The following MIPOL1 variants were observed in gnomAD, a reference collection of about 807,000 sequenced individuals.
MIPOL1 encodes the protein mirror-image polydactyly 1, also known as mirror-image polydactyly gene 1 protein.
Under a neutral mutation model 60.9 loss-of-function variants are expected in MIPOL1, and 57 were observed. The ratio of observed to expected loss-of-function variants is 0.94; its 90% CI spans 0.76 to 1.17. MIPOL1 has a LOEUF of 1.17. Ranked by LOEUF, MIPOL1 falls within the 50% of genes most tolerant of loss-of-function variation. The pLI is 0.00. For missense variants in MIPOL1, 551 were observed against 511.6 expected, an observed-to-expected ratio of 1.08 and a Z score of -0.74; for synonymous variants, 179 against 168.8, an observed-to-expected ratio of 1.06 and a Z score of -0.47.
chr14:37,293,670 C>A lies in MIPOL1; in HGVS notation c.623+8223C>A, dbSNP rs111241353. On this transcript the variant is annotated intron_variant, in intron 7 of 12. Transcript: ENST00000684589. The stretch of plus-strand genomic sequence containing the variant: ...CACACCAGGAGATTATATCCCACAC[C>A]TAGATCGGAGGGTCCTATGCCCACG... Among the ~76,000 whole-genome samples, 301 of 152,282 alleles carry A rather than the reference C, an allele frequency of 2.0e-3. 1 individual carries two copies. The highest frequency in any genetic ancestry group is 2.8e-3 in the Non-Finnish European group (190 of 68,012).
At chr14:37,390,370 A>G (rs2093204360) in intron 10 of MIPOL1, among the ~76,000 whole-genome samples, 1 of 152,148 alleles carries the variant, frequency 6.6e-6, no homozygotes, top group East Asian at 1.9e-4. Flanking sequence ...TGTCACTTAT[A>G]TATTATATAC....
At chr14:37,442,216 G>A (rs560415865) in intron 11 of MIPOL1, among the ~76,000 whole-genome samples, 32 of 151,608 alleles carry the variant, frequency 2.1e-4, no homozygotes, top group African/African-American at 7.5e-4. Flanking sequence ...GTTGTATATT[G>A]ATTTTGTATC....
At chr14:37,317,519 T>C (rs1292296081) in intron 9 of MIPOL1, among the ~76,000 whole-genome samples, 1 of 152,096 alleles carries the variant, frequency 6.6e-6, no homozygotes, top group Non-Finnish European at 1.5e-5. Context: ...CAGAGAGTTA[T>C]TACAGCAATG....
intron 1 of MIPOL1, among the ~76,000 whole-genome samples, chr14:37,225,087 A>G (rs901250703): frequency 2.0e-5 from 3 of 152,234 alleles, no homozygotes; most frequent in South Asian, 2.1e-4. Context: ...GTGGGTTCCC[A>G]TGGTCTTGGG....
chr14:37,328,310 C>T (rs983369521), intron 9 of MIPOL1, among the ~76,000 whole-genome samples: 2 of 152,032 alleles, frequency 1.3e-5, no homozygotes, highest in Admixed American at 6.6e-5. Flanking sequence ...CCACCACACC[C>T]GGCCCAGAAA....
chr14:37,375,628 G>C (rs910864960), intron 10 of MIPOL1, among the ~76,000 whole-genome samples: 3 of 152,022 alleles, frequency 2.0e-5, no homozygotes, highest in Non-Finnish European at 4.4e-5. Context: ...TATTTATTAT[G>C]TATTATCTTT....
Position 37,546,974 on chromosome 14 carries a change from G to T in MIPOL1, c.*3G>T. The stretch of plus-strand genomic sequence containing the variant: ...GGACCATGAGGACAGTGATCTGATT[G>T]AAAAAAAACGACAGTCTGGGGAAGC... On this transcript the variant is annotated 3_prime_UTR_variant, in exon 13 of 13. Coordinates refer to ENST00000684589, the MANE Select transcript of MIPOL1 (RefSeq NM_001388067.1). 1.6e-4 allele frequency: 240 copies of T among 1,480,092 alleles called. No homozygotes were observed. Among genetic ancestry groups the T allele is most frequent in the East Asian group, 4.4e-4 (17 of 38,594 alleles). 91.7% of individuals were successfully genotyped at this position (1,480,092 alleles called of 1,614,324 possible).
intron 10 of MIPOL1, among the ~76,000 whole-genome samples, chr14:37,399,643 C>T (rs966387981): frequency 6.6e-6 from 1 of 152,092 alleles, no homozygotes; most frequent in African/African-American, 2.4e-5. Context: ...TGTTAACTTT[C>T]ATATTTACCA....
chr14:37,385,603 G>A (rs560149090), intron 10 of MIPOL1: 2 of 152,054 alleles, frequency 1.3e-5, no homozygotes, highest in South Asian at 4.1e-4. Flanking sequence ...ATTTTCTGTT[G>A]CAAGCATTTG....
At chr14:37,463,369 GAC>G (rs2094561914) in intron 11 of MIPOL1, among the ~76,000 whole-genome samples, 1 of 152,118 alleles carries the variant, frequency 6.6e-6, no homozygotes, top group Non-Finnish European at 1.5e-5. Context: ...TTTGGGTGGG[GAC>G]ACAGAGCCAA....
rs185115926 is a variant in MIPOL1 at position 37,271,850 on chromosome 14, T to G, written c.493+1325T>G. Among the ~76,000 whole-genome samples the G allele has an allele frequency of 5.5e-4, 83 of 151,814 alleles. 1 individual carries two copies. In the Middle Eastern group the frequency reaches 0.041, roughly 75 times the overall value. On this transcript the variant is annotated intron_variant, in intron 6 of 12. Coordinates refer to ENST00000684589, the MANE Select transcript of MIPOL1 (RefSeq NM_001388067.1). The stretch of plus-strand genomic sequence containing the variant: ...TCTTACAGAAATAATTTAATAAGAT[T>G]AGGGTTTTCATAACCTATTGATAAT...
intron 11 of MIPOL1, among the ~76,000 whole-genome samples, chr14:37,438,242 T>C (rs1344927397): frequency 2.0e-5 from 3 of 152,188 alleles, no homozygotes; most frequent in Non-Finnish European, 4.4e-5. Context: ...GAGTACAAAT[T>C]CAAAGTATAA....
intron 11 of MIPOL1, among the ~76,000 whole-genome samples, chr14:37,435,125 G>A (rs1381498900): frequency 6.6e-6 from 1 of 152,094 alleles, no homozygotes; most frequent in Admixed American, 6.6e-5. Context: ...TGTATGTTGT[G>A]ATATTACTTA....
At chr14:37,525,989 C>T (rs779948144) in intron 12 of MIPOL1, among the ~76,000 whole-genome samples, 1 of 151,984 alleles carries the variant, frequency 6.6e-6, no homozygotes, top group Non-Finnish European at 1.5e-5. Context: ...TGGAGAGAAT[C>T]AATGGGAAAA....
At chr14:37,332,251 T>C (rs897112698) in intron 9 of MIPOL1, among the ~76,000 whole-genome samples, 7 of 152,220 alleles carry the variant, frequency 4.6e-5, no homozygotes, top group Non-Finnish European at 8.8e-5. Context: ...AGTTTGTTGA[T>C]AGTTTTTATC....
chr14:37,359,361 A>C (rs988952627), intron 9 of MIPOL1, among the ~76,000 whole-genome samples: 1 of 152,126 alleles, frequency 6.6e-6, no homozygotes, highest in African/African-American at 2.4e-5. Context: ...TTTTTTTCCA[A>C]TTCTGTGAAG....
chr14:37,324,036 G>T (rs1450978634), intron 9 of MIPOL1, among the ~76,000 whole-genome samples: 1 of 151,920 alleles, frequency 6.6e-6, no homozygotes, highest in Non-Finnish European at 1.5e-5. Flanking sequence ...TCTTGTATAG[G>T]TCTTTTTGTG....
intron 12 of MIPOL1, among the ~76,000 whole-genome samples, chr14:37,534,407 C>T (rs887468952): frequency 1.3e-5 from 2 of 152,134 alleles, no homozygotes; most frequent in Non-Finnish European, 1.5e-5. Flanking sequence ...ATTCTTGAAA[C>T]CTACTTTTAG....
At chr14:37,534,180 T>C (rs923316440) in intron 12 of MIPOL1, among the ~76,000 whole-genome samples, 1 of 152,030 alleles carries the variant, frequency 6.6e-6, no homozygotes, top group Non-Finnish European at 1.5e-5. Context: ...ATTAAATAAA[T>C]TCCTCCTGAT....
Sources: allele counts gnomAD v4.1 joint callset (sites outside exome capture counted in the v4.1 genomes callset), GRCh38; gene constraint gnomAD v4.1.1; transcripts MANE v1.5; gene names NCBI Gene and HGNC (gene_info 2026-07-23, HGNC 2026-07-21).